VPS53: variants seen among roughly 807,000 people sequenced by gnomAD.
The protein encoded by VPS53 is VPS53 subunit of GARP complex.
VPS53 carries 70 observed loss-of-function variants against 107.0 expected under a neutral mutation model. That is an observed-to-expected ratio of 0.65 (90% CI 0.54 to 0.80). The LOEUF is 0.80. VPS53 is among the 30% of genes least tolerant of loss of function. VPS53 has a pLI of 0.00. For synonymous variants in VPS53, 409 were observed against 393.3 expected, an observed-to-expected ratio of 1.04 and a Z score of -0.47; for missense variants, 917 against 1,049.4, an observed-to-expected ratio of 0.87 and a Z score of 1.74.
chr17:670,966 C>T (rs1465066110), intron 4 of VPS53, among the ~76,000 whole-genome samples: 1 of 152,154 alleles, frequency 6.6e-6, no homozygotes, highest in Non-Finnish European at 1.5e-5. Flanking sequence ...TGCAGTGGCT[C>T]ACGCCTGTAA....
intron 13 of VPS53, 126 bp downstream of exon 13, chr17:586,144 T>C (rs1436995274): frequency 1.3e-6 from 1 of 755,680 alleles, no homozygotes; most frequent in African/African-American, 1.8e-5. Context: ...AATGGGTTTC[T>C]AGGGAGGGTC....
chr17:677,810 C>T (rs1229878384), intron 4 of VPS53, among the ~76,000 whole-genome samples: 1 of 152,034 alleles, frequency 6.6e-6, no homozygotes, highest in African/African-American at 2.4e-5. Context: ...ATCAATTACA[C>T]CAAGCTACTT....
chr17:529,621 G>C (rs1456407222), intron 19 of VPS53, among the ~76,000 whole-genome samples: 1 of 152,112 alleles, frequency 6.6e-6, no homozygotes, highest in East Asian at 1.9e-4. Flanking sequence ...CAATGAACAT[G>C]AGCTATCCTG....
Position 664,067 on chromosome 17 carries a change from G to A in VPS53, c.286-2172C>T, listed in dbSNP as rs1309875187. Among the ~76,000 whole-genome samples, 3 of 152,048 alleles carry A rather than the reference G, an allele frequency of 2.0e-5. 1 individual carries two copies. On this transcript the variant is annotated intron_variant, in intron 4 of 21. Transcript: ENST00000437048. The stretch of plus-strand genomic sequence containing the variant: ...GGATGAGGAGGTGTGAGAATTTGTA[G>A]ATTTGGAGTAAGATGATTTTTTTTT...
chr17:672,834 C>T (rs1021970587), intron 4 of VPS53, among the ~76,000 whole-genome samples: 4 of 152,052 alleles, frequency 2.6e-5, no homozygotes, highest in Admixed American at 1.3e-4. Flanking sequence ...TGGCAGCGGC[C>T]GGGCGCAGTG....
intron 1 of VPS53, among the ~76,000 whole-genome samples, chr17:712,853 T>A (rs1973694047): frequency 6.6e-6 from 1 of 152,204 alleles, no homozygotes; most frequent in African/African-American, 2.4e-5. Context: ...AAACAGTAAC[T>A]GACTGCATTA....
At chr17:661,377 C>T (rs1023179802) in intron 5 of VPS53, among the ~76,000 whole-genome samples, 2 of 151,618 alleles carry the variant, frequency 1.3e-5, no homozygotes, top group African/African-American at 2.4e-5. Context: ...AAAAATTAGC[C>T]GGGCGTGGTG....
intron 19 of VPS53, among the ~76,000 whole-genome samples, chr17:522,169 C>T (rs999792786): frequency 2.6e-5 from 4 of 152,124 alleles, no homozygotes; most frequent in East Asian, 1.9e-4. Context: ...GTGGGTGGAT[C>T]GCTTAAGCCT....
At chr17:527,173 C>CT (rs1909181863) in intron 19 of VPS53, among the ~76,000 whole-genome samples, 1 of 152,236 alleles carries the variant, frequency 6.6e-6, no homozygotes, top group Non-Finnish European at 1.5e-5. Flanking sequence ...TCCCTGAAGC[C>CT]TTCCTCATGC....
chr17:598,302 A>G (rs1445547686), intron 12 of VPS53, among the ~76,000 whole-genome samples: 26 of 152,162 alleles, frequency 1.7e-4, no homozygotes, highest in Middle Eastern at 3.4e-3. Flanking sequence ...GCGTGATCTC[A>G]GCTCGCTACA....
intron 2 of VPS53, among the ~76,000 whole-genome samples, chr17:706,535 CAA>C (rs1282036208): frequency 2.4e-4 from 16 of 66,178 alleles, no homozygotes; most frequent in Admixed American, 5.3e-4. Flanking sequence ...GACTCAGTCT[CAA>C]AAAAAAAAAA....
rs186846861 is a variant in VPS53, at chr17:571,518, C to T, written c.1314-8773G>A. Among the ~76,000 whole-genome samples the T allele has an allele frequency of 8.0e-4, 119 of 148,060 alleles. 1 individual carries two copies. The highest frequency in any genetic ancestry group is 1.2e-3 in the Non-Finnish European group (78 of 66,414). ...CTCTCCCTCTCCCTACAGTCTCCCT[C>T]TCCCTCTCCCTACGGTCTCCCTCTC... is the stretch of plus-strand genomic sequence containing the variant. On this transcript the variant is annotated intron_variant, in intron 13 of 21. Transcript: ENST00000437048.
At chr17:643,218 C>T (rs375512781) in intron 7 of VPS53, among the ~76,000 whole-genome samples, 1 of 48,090 alleles carries the variant, frequency 2.1e-5, no homozygotes, top group African/African-American at 7.0e-5. Context: ...CTGAGGACAA[C>T]ACTCATACTT....
chr17:678,648 ATATT>A (rs1972260168), intron 4 of VPS53, among the ~76,000 whole-genome samples: 3 of 145,400 alleles, frequency 2.1e-5, no homozygotes, highest in African/African-American at 2.5e-5. Flanking sequence ...ATATATATAT[ATATT>A]TTTTTGAGAC....
chr17:573,243 T>A (rs1450272020), intron 13 of VPS53, among the ~76,000 whole-genome samples: 1 of 151,928 alleles, frequency 6.6e-6, no homozygotes, highest in Non-Finnish European at 1.5e-5. Flanking sequence ...TTTGCAAGAG[T>A]CAGCCAGAGG....
Position 694,907 on chromosome 17 carries a change from G to T in VPS53, c.285+2511C>A, listed in dbSNP as rs73283526. Among the ~76,000 whole-genome samples, 1,150 of 152,192 alleles carry T rather than the reference G, an allele frequency of 7.6e-3. 15 individuals carry two copies. Among genetic ancestry groups the T allele is most frequent in the African/African-American group, 0.026 (1,099 of 41,516 alleles). ...TTTTCGTAGAGACGTGTATTGCTATGTTGCCGAGGCTGGTCTCAAACTCCT... is the reference window on the plus strand; with the variant it reads ...TTTTCGTAGAGACGTGTATTGCTATTTTGCCGAGGCTGGTCTCAAACTCCT... On this transcript the variant is annotated intron_variant, in intron 4 of 21. Coordinates refer to ENST00000437048, the MANE Select transcript of VPS53 (RefSeq NM_001128159.3).
intron 7 of VPS53, among the ~76,000 whole-genome samples, chr17:648,684 G>T (rs560304873): frequency 2.4e-4 from 37 of 152,038 alleles, no homozygotes; most frequent in Admixed American, 2.3e-3. Context: ...AATGGAACAG[G>T]CACTGAAGAT....
chr17:586,220 C>A, intron 13 of VPS53, 50 bp downstream of exon 13: 1 of 1,566,852 alleles, frequency 6.4e-7, no homozygotes, highest in Non-Finnish European at 8.8e-7. Context: ...CCAGTCATGA[C>A]CAGAGCGGCG....
intron 11 of VPS53, among the ~76,000 whole-genome samples, chr17:608,600 CT>C (rs1305495360): frequency 6.7e-6 from 1 of 149,182 alleles, no homozygotes; most frequent in African/African-American, 2.5e-5. Context: ...GCTATTTCTG[CT>C]TTTTTCTTTT....
Sources: gnomAD v4.1 joint callset for allele counts (sites outside exome capture counted in the v4.1 genomes callset) on GRCh38, gnomAD v4.1.1 for gene constraint, MANE v1.5 for transcripts, NCBI Gene and HGNC (gene_info 2026-07-23, HGNC 2026-07-21) for gene names.